Variants in TYR observed in about 807,000 individuals in gnomAD.
The protein encoded by TYR is LB24-AB.
Under a neutral mutation model 51.5 loss-of-function variants are expected in TYR, and 58 were observed. That is an observed-to-expected ratio of 1.13 (90% confidence interval 0.91 to 1.40). TYR has a LOEUF of 1.40. TYR is among the 40% of genes most tolerant of loss of function. The pLI is 0.00. For missense variants in TYR, 732 were observed against 647.4 expected, an observed-to-expected ratio of 1.13 and a Z score of -1.42; for synonymous variants, 263 against 235.2, an observed-to-expected ratio of 1.12 and a Z score of -1.08.
chr11:89,244,047 C>G (rs1278132533), intron 3 of TYR, among the ~76,000 whole-genome samples: 2 of 151,928 alleles, frequency 1.3e-5, no homozygotes, highest in African/African-American at 2.4e-5. Flanking sequence ...TTGTGTTTTA[C>G]AAATTTTAAA....
At chr11:89,205,475 T>C (rs1318708092) in intron 2 of TYR, among the ~76,000 whole-genome samples, 2 of 152,070 alleles carry the variant, frequency 1.3e-5, no homozygotes, top group African/African-American at 2.4e-5. Context: ...TTCTAAAAAC[T>C]AAAACAAATA....
At chr11:89,246,820 T>C (rs1944273381) in intron 3 of TYR, among the ~76,000 whole-genome samples, 1 of 152,088 alleles carries the variant, frequency 6.6e-6, no homozygotes, top group African/African-American at 2.4e-5. Context: ...GAAAGGTCCC[T>C]GGGGCTTCAG....
At chr11:89,270,285 A>G (rs1221534818) in intron 3 of TYR, among the ~76,000 whole-genome samples, 1 of 151,586 alleles carries the variant, frequency 6.6e-6, no homozygotes, top group African/African-American at 2.4e-5. Flanking sequence ...GATCTCTGCT[A>G]TTCATTTTTT....
At chr11:89,266,147 T>C (rs1418406415) in intron 3 of TYR, among the ~76,000 whole-genome samples, 1 of 151,990 alleles carries the variant, frequency 6.6e-6, no homozygotes, top group African/African-American at 2.4e-5. Context: ...ATGTTTTACA[T>C]TATCTTCTTT....
chr11:89,287,537 A>T (rs1227661948), intron 4 of TYR, among the ~76,000 whole-genome samples: 2 of 151,882 alleles, frequency 1.3e-5, no homozygotes, highest in Non-Finnish European at 2.9e-5. Context: ...GAAAGATCTT[A>T]ACTGCTTGCT....
rs374667472 is a variant in TYR at position 89,188,159 on chromosome 11, A to C, written c.820-3043A>C. ...TACTCCACTAGAAGGTAAGTTACAT[A>C]AAGTACTCAATACTTAAAATGCTAA... On this transcript the variant is annotated intron_variant, in intron 1 of 4. Transcript: ENST00000263321. Among the ~76,000 whole-genome samples the C allele has an allele frequency of 1.2e-4, 18 of 151,770 alleles. No homozygotes were observed. The East Asian group carries it at 2.2e-3, about 18-fold the overall frequency.
intron 2 of TYR, among the ~76,000 whole-genome samples, chr11:89,202,033 T>C (rs1591150608): frequency 6.6e-6 from 1 of 152,068 alleles, no homozygotes; most frequent in Admixed American, 6.6e-5. Context: ...GGTCTGGCAG[T>C]GGAAGTGGGG....
intron 3 of TYR, among the ~76,000 whole-genome samples, chr11:89,256,851 C>T (rs1268288984): frequency 3.3e-5 from 5 of 151,796 alleles, no homozygotes; most frequent in African/African-American, 1.2e-4. Context: ...AATTCAAACT[C>T]CTGAGTAGGA....
chr11:89,254,841 GT>G (rs1944370984), intron 3 of TYR, among the ~76,000 whole-genome samples: 1 of 151,434 alleles, frequency 6.6e-6, no homozygotes, highest in South Asian at 2.1e-4. Flanking sequence ...TGTGATATTG[GT>G]TATTTCTTTT....
At chr11:89,253,875 G>A (rs1043355387) in intron 3 of TYR, among the ~76,000 whole-genome samples, 22 of 151,868 alleles carry the variant, frequency 1.4e-4, no homozygotes, top group African/African-American at 5.3e-4. Flanking sequence ...GAATGGAAGG[G>A]CGAGAGTGGG....
chr11:89,193,264 A>T (rs563749253), intron 2 of TYR, among the ~76,000 whole-genome samples: 1 of 152,116 alleles, frequency 6.6e-6, no homozygotes, highest in Non-Finnish European at 1.5e-5. Flanking sequence ...ATATTTTATT[A>T]TTAAGAAGCA....
intron 4 of TYR, 57 bp from the exon 5 acceptor site, chr11:89,295,086 T>A: frequency 4.4e-6 from 7 of 1,599,126 alleles, no homozygotes; most frequent in Non-Finnish European, 6.0e-6. Flanking sequence ...ATGAAGATGA[T>A]GGTGATCGTA....
At chr11:89,255,891 T>A (rs1944385230) in intron 3 of TYR, among the ~76,000 whole-genome samples, 1 of 151,688 alleles carries the variant, frequency 6.6e-6, no homozygotes, top group South Asian at 2.1e-4. Flanking sequence ...GTTTTTCCAT[T>A]ATACATTTCA....
chr11:89,258,456 A>C (rs1944420999), intron 3 of TYR, among the ~76,000 whole-genome samples: 1 of 151,942 alleles, frequency 6.6e-6, no homozygotes, highest in South Asian at 2.1e-4. Context: ...GCAAAAAAAA[A>C]AAAAGTGAAA....
intron 2 of TYR, among the ~76,000 whole-genome samples, chr11:89,227,518 A>T (rs997774435): frequency 6.6e-6 from 1 of 152,154 alleles, no homozygotes; most frequent in Non-Finnish European, 1.5e-5. Flanking sequence ...TGTTCCTATG[A>T]CTTGTCCATA....
rs13312742 is a variant in TYR at position 89,191,443 on chromosome 11, A to AT, written c.1036+33dup. ...GGTAATCTCTTTCTTTTCACTTTTA[A>AT]TTTTTTTTCTGAATTCATATTTACA... On this transcript the variant is annotated intron_variant, in intron 2 of 4. Coordinates refer to ENST00000263321, the MANE Select transcript of TYR (RefSeq NM_000372.5). The AT allele has an allele frequency of 5.0e-3, 8,056 of 1,603,332 alleles. 135 individuals are homozygous for AT. The highest frequency in any genetic ancestry group is 3.7e-3 in the South Asian group (335 of 90,812).
intron 1 of TYR, among the ~76,000 whole-genome samples, chr11:89,185,278 G>A (rs1943355474): frequency 6.6e-6 from 1 of 152,000 alleles, no homozygotes; most frequent in East Asian, 1.9e-4. Context: ...TCTCCCTTAT[G>A]GCCTAGGACA....
chr11:89,286,276 G>A (rs1944785656), intron 4 of TYR, among the ~76,000 whole-genome samples: 1 of 151,770 alleles, frequency 6.6e-6, no homozygotes, highest in South Asian at 2.1e-4. Flanking sequence ...CAGTAGAGGT[G>A]GAAAATGTAC....
At chr11:89,283,457 C>A (rs11018560) in intron 3 of TYR, among the ~76,000 whole-genome samples, 13,881 of 151,852 alleles carry the variant, frequency 0.091, 758 homozygotes, top group Admixed American at 0.14. Flanking sequence ...ATGTACCAAC[C>A]TTTGACCTGC....
Sources: gnomAD v4.1 joint callset for allele counts (sites outside exome capture counted in the v4.1 genomes callset) on GRCh38, gnomAD v4.1.1 for gene constraint, MANE v1.5 for transcripts, NCBI Gene and HGNC (gene_info 2026-07-23, HGNC 2026-07-21) for gene names.